VGLL3: variants seen among roughly 807,000 people sequenced by gnomAD.
VGLL3 encodes the protein transcription cofactor vestigial-like protein 3.
VGLL3 carries 18 observed loss-of-function variants against 29.2 expected under a neutral mutation model. The observed-to-expected ratio is 0.62, with a 90% CI of 0.43 to 0.91. VGLL3 has a LOEUF of 0.91. Among genes scored for constraint, VGLL3 ranks in the 40% least tolerant of loss-of-function variants. The pLI is 0.00. For synonymous variants in VGLL3, 180 were observed against 151.8 expected (o/e 1.19, Z -1.36); for missense variants, 440 against 413.2 (o/e 1.06, Z -0.56).
chr3:86,975,514 TA>T (rs1032539018), intron 2 of VGLL3, among the ~76,000 whole-genome samples: 10 of 151,936 alleles, frequency 6.6e-5, no homozygotes, highest in East Asian at 1.9e-4. Flanking sequence ...TTTTATAAAT[TA>T]AAAAAAACTG....
At chr3:86,978,490 C>A in intron 2 of VGLL3, 36 bp downstream of exon 2, 1 of 1,601,234 alleles carries the variant, frequency 6.2e-7, no homozygotes, top group Non-Finnish European at 8.5e-7. Context: ...GAAACAAAGA[C>A]AGTGCCCTGG....
At chr3:86,956,024 A>G (rs1265632220) in intron 3 of VGLL3, among the ~76,000 whole-genome samples, 2 of 152,270 alleles carry the variant, frequency 1.3e-5, no homozygotes, top group Non-Finnish European at 2.9e-5. Flanking sequence ...ACTGATAAAG[A>G]GAACAAGAAA....
intron 3 of VGLL3, among the ~76,000 whole-genome samples, chr3:86,957,885 A>G (rs375782354): frequency 1.5e-4 from 23 of 152,236 alleles, no homozygotes; most frequent in African/African-American, 5.3e-4. Flanking sequence ...TTCTTCTTCT[A>G]AAGTCCTTCT....
chr3:86,990,699 C>T lies in VGLL3; in HGVS notation c.45G>A (p.Ala15=), dbSNP rs748676569. The change falls in exon 1 of 4, where the codon GCG becomes GCA. Residue 15 remains alanine, a synonymous_variant. Coordinates refer to ENST00000398399, the MANE Select transcript of VGLL3 (RefSeq NM_016206.4). ...EVMYHPQPYG[A]SQYLPNPMAA... ...CCATGGGGTTGGGCAGATACTGGGA[C>T]GCTCCATAAGGCTGGGGGTGATACA... 1.2e-5 allele frequency: 17 copies of T among 1,431,546 alleles called. No individual in the cohort carries two copies. Among genetic ancestry groups the T allele is most frequent in the Non-Finnish European group, 1.6e-5 (17 of 1,092,204 alleles). The allele number at this position is 1,431,546 out of a possible 1,614,324, so 88.7% of individuals were successfully genotyped here. A position where few individuals can be genotyped will look rare whatever the true frequency, so the allele number is the denominator to read the frequency against.
intron 3 of VGLL3, among the ~76,000 whole-genome samples, chr3:86,948,808 A>C (rs1300006456): frequency 3.3e-5 from 5 of 152,156 alleles, no homozygotes; most frequent in Non-Finnish European, 7.4e-5. Flanking sequence ...AAAAGAGGAC[A>C]ATGAGAGGGA....
chr3:86,957,191 T>G lies in VGLL3; in HGVS notation c.938-10124A>C, dbSNP rs79502122. On this transcript the variant is annotated intron_variant, in intron 3 of 3. Transcript: ENST00000398399. ...TGAAGATGTTAACCCCGCAATATTT[T>G]TATCTTCTTTTCCATTGTCTGCCCA... Among the ~76,000 whole-genome samples, 771 of 152,318 alleles carry G rather than the reference T, an allele frequency of 5.1e-3. 5 individuals carry two copies. The highest frequency in any genetic ancestry group is 0.018 in the African/African-American group (728 of 41,574).
chr3:86,956,072 C>T (rs1025071409), intron 3 of VGLL3, among the ~76,000 whole-genome samples: 7 of 152,202 alleles, frequency 4.6e-5, no homozygotes, highest in African/African-American at 1.7e-4. Flanking sequence ...TAAACAGTAT[C>T]TGTAAATTCC....
intron 3 of VGLL3, among the ~76,000 whole-genome samples, chr3:86,967,031 T>C (rs763799997): frequency 4.0e-5 from 6 of 151,380 alleles, no homozygotes; most frequent in Non-Finnish European, 8.8e-5. Context: ...AACAAGTGAG[T>C]GAATCAAGCT....
At chr3:86,990,246 A>G in intron 1 of VGLL3, 1 of 947,666 alleles carries the variant, frequency 1.1e-6, no homozygotes, top group Non-Finnish European at 1.3e-6. Flanking sequence ...AAACCCTGAA[A>G]CATTCCATCT....
intron 1 of VGLL3, among the ~76,000 whole-genome samples, chr3:86,987,238 C>T (rs1575882850): frequency 6.6e-6 from 1 of 152,034 alleles, no homozygotes; most frequent in African/African-American, 2.4e-5. Flanking sequence ...TCTGACAAAC[C>T]GAATTGCAGA....
intron 3 of VGLL3, among the ~76,000 whole-genome samples, chr3:86,967,847 T>C (rs1704996419): frequency 6.6e-6 from 1 of 152,204 alleles, no homozygotes; most frequent in African/African-American, 2.4e-5. Context: ...CACAGAACCT[T>C]CAGAACTATT....
intron 1 of VGLL3, among the ~76,000 whole-genome samples, chr3:86,982,902 T>C (rs1705357258): frequency 2.0e-5 from 3 of 152,170 alleles, no homozygotes; most frequent in Non-Finnish European, 4.4e-5. Flanking sequence ...GGTTAATAGT[T>C]ATAAAGTTAA....
intron 3 of VGLL3, among the ~76,000 whole-genome samples, chr3:86,956,569 G>A (rs1339868825): frequency 6.6e-6 from 1 of 152,024 alleles, no homozygotes; most frequent in Non-Finnish European, 1.5e-5. Context: ...GGCGGATCAC[G>A]AGGTCAGGAG....
intron 3 of VGLL3, among the ~76,000 whole-genome samples, chr3:86,960,527 T>G (rs987837218): frequency 6.6e-6 from 1 of 152,128 alleles, no homozygotes; most frequent in Admixed American, 6.5e-5. Flanking sequence ...GCTATGAAAG[T>G]CTGTTCAGAG....
chr3:86,963,812 G>A (rs985697993), intron 3 of VGLL3, among the ~76,000 whole-genome samples: 3 of 152,178 alleles, frequency 2.0e-5, no homozygotes, highest in Non-Finnish European at 4.4e-5. Flanking sequence ...TGCTTCTTTT[G>A]TAAGTGGCAG....
rs1020125728 is a variant in VGLL3, at chr3:86,986,990, G to A, written c.126+3628C>T. On this transcript the variant is annotated intron_variant, in intron 1 of 3. Coordinates refer to ENST00000398399, the MANE Select transcript of VGLL3 (RefSeq NM_016206.4). ...TCTTCATTAGAAAAAAAATTGATTGGGGACCTAAAGACAAAAATAAGCCTA... is the reference window on the plus strand; with the variant it reads ...TCTTCATTAGAAAAAAAATTGATTGAGGACCTAAAGACAAAAATAAGCCTA... Among the ~76,000 whole-genome samples, 3 of 151,984 alleles carry A rather than the reference G, an allele frequency of 2.0e-5. No individual in the cohort carries two copies. The South Asian group carries it at 6.2e-4, about 32-fold the overall frequency.
chr3:86,964,318 T>C (rs1704916079), intron 3 of VGLL3, among the ~76,000 whole-genome samples: 3 of 152,326 alleles, frequency 2.0e-5, no homozygotes, highest in South Asian at 4.1e-4. Context: ...TCTGTTTCTT[T>C]ACAGAAAAAT....
At chr3:86,961,172 C>A (rs552645109) in intron 3 of VGLL3, among the ~76,000 whole-genome samples, 3 of 152,008 alleles carry the variant, frequency 2.0e-5, no homozygotes, top group African/African-American at 7.2e-5. Context: ...TGTGGATCTA[C>A]AGATGAATAC....
At chr3:86,950,459 C>A (rs1277452605) in intron 3 of VGLL3, among the ~76,000 whole-genome samples, 4 of 152,172 alleles carry the variant, frequency 2.6e-5, no homozygotes, top group Admixed American at 2.0e-4. Flanking sequence ...GGTCTGATGT[C>A]AGAGTCAATG....
Sources: gnomAD v4.1 joint callset for allele counts (sites outside exome capture counted in the v4.1 genomes callset) on GRCh38, gnomAD v4.1.1 for gene constraint, MANE v1.5 for transcripts, NCBI Gene and HGNC (gene_info 2026-07-23, HGNC 2026-07-21) for gene names.